Variants in PCMTD1 observed in about 807,000 individuals in gnomAD.
PCMTD1 encodes the protein protein-L-isoaspartate O-methyltransferase domain-containing protein 1.
Under a neutral mutation model 37.6 loss-of-function variants are expected in PCMTD1, and 12 were observed. The ratio of observed to expected loss-of-function variants is 0.32; its 90% CI spans 0.20 to 0.52. PCMTD1 has a LOEUF of 0.52. Among genes scored for constraint, PCMTD1 ranks in the 20% least tolerant of loss-of-function variants. The probability of loss-of-function intolerance (pLI) is 0.97; values close to 1 mark genes in which losing one functional copy is unlikely to be tolerated. For synonymous variants in PCMTD1, 117 were observed against 135.8 expected (o/e 0.86, Z 0.96); for missense variants, 235 against 421.3 (o/e 0.56, Z 3.87).
chr8:51,828,388 A>G (rs1408689731), intron 5 of PCMTD1, among the ~76,000 whole-genome samples: 1 of 152,234 alleles, frequency 6.6e-6, no homozygotes. Flanking sequence ...ACTACAGTAT[A>G]GTCTACTATA....
intron 3 of PCMTD1, 25 bp from the exon 4 acceptor site, chr8:51,833,714 A>C: frequency 6.3e-7 from 1 of 1,593,874 alleles, no homozygotes; most frequent in South Asian, 1.1e-5. Flanking sequence ...AAACATTTTA[A>C]TTCAATTAAG....
intron 1 of PCMTD1, among the ~76,000 whole-genome samples, chr8:51,894,838 G>A (rs2038978496): frequency 6.6e-6 from 1 of 151,822 alleles, no homozygotes; most frequent in Non-Finnish European, 1.5e-5. Flanking sequence ...AACCAAGGAT[G>A]ACCTTTTGAT....
At chr8:51,842,676 T>C (rs2038164615) in intron 3 of PCMTD1, among the ~76,000 whole-genome samples, 1 of 152,102 alleles carries the variant, frequency 6.6e-6, no homozygotes, top group Non-Finnish European at 1.5e-5. Context: ...TAATGCAGAT[T>C]AGCATATGGA....
Position 51,819,691 on chromosome 8 carries a change from C to T in PCMTD1, c.*660G>A, listed in dbSNP as rs2037815725. Reference sequence around the variant, plus strand: ...TTGTTTTAATAATTCACTTGCTGTGCTCTTAAAATCTCTATGAGAGAGGCA... The same window carrying T: ...TTGTTTTAATAATTCACTTGCTGTGTTCTTAAAATCTCTATGAGAGAGGCA... On this transcript the variant is annotated 3_prime_UTR_variant, in exon 6 of 6. Transcript: ENST00000522514. 1 of 152,550 alleles carries T rather than the reference C, an allele frequency of 6.6e-6. No homozygotes were observed. Among genetic ancestry groups the T allele is most frequent in the African/African-American group, 2.4e-5 (1 of 41,422 alleles). 9.4% of individuals were successfully genotyped at this position (152,550 alleles called of 1,614,324 possible).
chr8:51,873,999 G>A (rs1426674162), intron 1 of PCMTD1, among the ~76,000 whole-genome samples: 1 of 150,198 alleles, frequency 6.7e-6, no homozygotes, highest in Non-Finnish European at 1.5e-5. Context: ...TGCAAGCTCC[G>A]CCTCCCGGGT....
intron 5 of PCMTD1, chr8:51,827,300 T>C (rs995981504): frequency 1.6e-6 from 2 of 1,260,070 alleles, no homozygotes; most frequent in African/African-American, 1.5e-5. Context: ...TCAAGTACAG[T>C]AGTCTCCCTT....
chr8:51,861,679 A>G (rs1162745556), intron 1 of PCMTD1, among the ~76,000 whole-genome samples: 1 of 152,092 alleles, frequency 6.6e-6, no homozygotes, highest in East Asian at 1.9e-4. Context: ...GACACTGTCA[A>G]GACTTGGTCT....
Position 51,831,542 on chromosome 8 carries a change from T to A in PCMTD1, c.608A>T (p.Gln203Leu). 1.2e-6 allele frequency: 2 copies of A among 1,613,194 alleles called. No individual in the cohort carries two copies. The highest frequency in any genetic ancestry group is 1.7e-6 in the Non-Finnish European group (2 of 1,179,564). ...GATATTTTTACTTTCCCAAGTGTTC[T>A]GTCCAGTTCGCATAATCTGTGTTAA... The part of the protein sequence containing the change: ...DQLTQIMRTG[Q>L]NTWESKNILA... The change falls in exon 5 of 6, where the codon CAG becomes CTG. Residue 203 changes from glutamine to leucine, a missense_variant. Around this residue, in one of 3 missense-constraint regions of PCMTD1, gnomAD observed 183 missense variants for 349.3 expected, o/e 0.52. Transcript: ENST00000522514.
chr8:51,859,921 C>T (rs2038447014), intron 2 of PCMTD1, among the ~76,000 whole-genome samples: 1 of 151,838 alleles, frequency 6.6e-6, no homozygotes, highest in South Asian at 2.1e-4. Flanking sequence ...CTTCTCACAC[C>T]CCACCCCCCT....
At chr8:51,821,232 C>A (rs2037843936) in intron 5 of PCMTD1, among the ~76,000 whole-genome samples, 1 of 152,186 alleles carries the variant, frequency 6.6e-6, no homozygotes, top group African/African-American at 2.4e-5. Context: ...CTCAACCACC[C>A]AGGCTCAGGT....
At chr8:51,843,592 C>T (rs1425031119) in intron 3 of PCMTD1, among the ~76,000 whole-genome samples, 3 of 88,576 alleles carry the variant, frequency 3.4e-5, no homozygotes, top group African/African-American at 7.8e-5. Flanking sequence ...GAGTATTTTA[C>T]AATAACAAAA....
At chr8:51,861,617 T>C (rs2038470581) in intron 1 of PCMTD1, among the ~76,000 whole-genome samples, 1 of 152,222 alleles carries the variant, frequency 6.6e-6, no homozygotes, top group South Asian at 2.1e-4. Flanking sequence ...AAGTGTTTAA[T>C]AGCTACTTGT....
intron 3 of PCMTD1, among the ~76,000 whole-genome samples, chr8:51,842,877 A>C (rs1343855834): frequency 6.6e-6 from 1 of 152,194 alleles, no homozygotes; most frequent in East Asian, 1.9e-4. Flanking sequence ...TTCTCTCTCC[A>C]TTACACATAA....
intron 1 of PCMTD1, among the ~76,000 whole-genome samples, chr8:51,865,271 C>T (rs1435440266): frequency 1.3e-5 from 2 of 152,046 alleles, no homozygotes; most frequent in East Asian, 3.9e-4. Context: ...ATACCAATTC[C>T]TTCTCAAATC....
chr8:51,846,167 A>G (rs892081804), intron 2 of PCMTD1, among the ~76,000 whole-genome samples: 5 of 152,210 alleles, frequency 3.3e-5, no homozygotes, highest in Non-Finnish European at 1.5e-5. Flanking sequence ...TAACACAGAT[A>G]TTACATGAAT....
chr8:51,899,177 G>T, upstream of PCMTD1: 2 of 1,276,550 alleles, frequency 1.6e-6, no homozygotes, highest in Non-Finnish European at 2.0e-6. Flanking sequence ...GCCGGGAGAC[G>T]CCCCCATCTG....
At chr8:51,851,099 A>G (rs1482278501) in intron 2 of PCMTD1, among the ~76,000 whole-genome samples, 4 of 152,222 alleles carry the variant, frequency 2.6e-5, no homozygotes, top group African/African-American at 7.2e-5. Context: ...CCATTCAACT[A>G]TATCACATGG....
At position 51,895,051 on chromosome 8, in the gene PCMTD1, G is replaced by C. The variant is rs376437253; in HGVS notation, c.-96+3879C>G. On this transcript the variant is annotated intron_variant, in intron 1 of 5. Transcript: ENST00000522514. ...GCTGATGATACACAAGTGGAAGCCT[G>C]AGCAAAGAGGGTGAGGGGAATGAGC... is the stretch of plus-strand genomic sequence containing the variant. 2.9e-4 allele frequency among the ~76,000 whole-genome samples: 44 copies of C among 152,344 alleles called. No homozygotes were observed. In the South Asian group the frequency reaches 8.9e-3, roughly 31 times the overall value.
At chr8:51,859,736 A>T (rs144387915) in intron 2 of PCMTD1, among the ~76,000 whole-genome samples, 34 of 152,308 alleles carry the variant, frequency 2.2e-4, no homozygotes, top group Non-Finnish European at 3.8e-4. Context: ...GACTGTCCCA[A>T]CACACTGGAA....
Sources: allele counts gnomAD v4.1 joint callset (sites outside exome capture counted in the v4.1 genomes callset), GRCh38; gene constraint gnomAD v4.1.1; regional missense constraint gnomAD v4.1.1; transcripts MANE v1.5; gene names NCBI Gene and HGNC (gene_info 2026-07-23, HGNC 2026-07-21).